The following HIF1AN variants were observed in gnomAD, a reference collection of about 807,000 sequenced individuals.
HIF1AN encodes the protein hypoxia inducible factor 1 subunit alpha inhibitor.
In HIF1AN, 21 loss-of-function variants were observed where a neutral mutation model predicts 47.7. The observed-to-expected ratio is 0.44, with a 90% CI of 0.31 to 0.63. HIF1AN has a LOEUF of 0.63. Ranked by LOEUF, HIF1AN falls within the 30% of genes least tolerant of loss-of-function variation. The probability of loss-of-function intolerance (pLI) is 0.07; values close to 1 mark genes in which losing one functional copy is unlikely to be tolerated. For missense variants in HIF1AN, 320 were observed against 432.7 expected (o/e 0.74, Z 2.31); for synonymous variants, 152 against 155.9 (o/e 0.98, Z 0.18).
chr10:100,547,785 T>C (rs35106985), intron 7 of HIF1AN, among the ~76,000 whole-genome samples: 31,976 of 152,096 alleles, frequency 0.21, 3,452 homozygotes, highest in South Asian at 0.23. Flanking sequence ...GAGAAACATA[T>C]AGACACTCTT....
At chr10:100,546,450 C>A in intron 5 of HIF1AN, 68 bp from the exon 6 acceptor site, 1 of 905,876 alleles carries the variant, frequency 1.1e-6, no homozygotes, top group African/African-American at 1.7e-5. Context: ...GCCACCCCCC[C>A]GCACTTCGCC....
intron 1 of HIF1AN, 124 bp from the exon 2 acceptor site, chr10:100,536,287 G>C: frequency 2.2e-6 from 3 of 1,352,342 alleles, no homozygotes; most frequent in Non-Finnish European, 2.1e-6. Context: ...GGAACTTAGG[G>C]GTTCGTGCTG....
intron 7 of HIF1AN, 55 bp from the exon 8 acceptor site, chr10:100,548,038 A>T: frequency 4.5e-6 from 7 of 1,551,652 alleles, no homozygotes; most frequent in Non-Finnish European, 6.2e-6. Flanking sequence ...CACCCTGTCC[A>T]ATTCCAGGGC....
At chr10:100,543,445 C>A (rs79354155) in intron 3 of HIF1AN, among the ~76,000 whole-genome samples, 1 of 152,112 alleles carries the variant, frequency 6.6e-6, no homozygotes, top group South Asian at 2.1e-4. Context: ...CCTTGGCCCC[C>A]TAAGTGATCC....
At chr10:100,540,818 CAT>C (rs1843019546) in intron 3 of HIF1AN, 36 bp downstream of exon 3, 3 of 1,558,600 alleles carry the variant, frequency 1.9e-6, no homozygotes, top group Non-Finnish European at 2.6e-6. Flanking sequence ...GGCTTGGAGT[CAT>C]ATGAACCTGA....
Position 100,559,824 on chromosome 10 carries a change from A to G in HIF1AN, c.*11687A>G, listed in dbSNP as rs2489036. The G allele has an allele frequency of 0.22, 33,883 of 152,146 alleles. 3,908 individuals carry two copies. The highest frequency in any genetic ancestry group is 0.27 in the African/African-American group (11,229 of 41,508). The allele number at this position is 152,146 out of a possible 1,614,324, so 9.4% of individuals were successfully genotyped here. On this transcript the variant is annotated 3_prime_UTR_variant, in exon 8 of 8. Transcript: ENST00000299163. Reference sequence around the variant, plus strand: ...ACTCAGAGAGTGGGTTCTAAATGTAATATTACCACACACCCAAGTCACTTA... The same window carrying G: ...ACTCAGAGAGTGGGTTCTAAATGTAGTATTACCACACACCCAAGTCACTTA...
Position 100,548,333 on chromosome 10 carries a change from A to C in HIF1AN, c.*196A>C. The C allele has an allele frequency of 2.0e-6, 1 of 498,622 alleles. No individual in the cohort carries two copies. The highest frequency in any genetic ancestry group is 3.3e-5 in the South Asian group (1 of 29,992). 30.9% of individuals were successfully genotyped at this position (498,622 alleles called of 1,614,324 possible). ...CCACTCCTATTTGGAGGGACTTCATACCCTTGCCTCTTGTGCCCCAGCACC... is the reference window on the plus strand; with the variant it reads ...CCACTCCTATTTGGAGGGACTTCATCCCCTTGCCTCTTGTGCCCCAGCACC... On this transcript the variant is annotated 3_prime_UTR_variant, in exon 8 of 8. Coordinates refer to ENST00000299163, the MANE Select transcript of HIF1AN (RefSeq NM_017902.3).
chr10:100,551,916 C>T lies in HIF1AN; in HGVS notation c.*3779C>T, dbSNP rs1843165510. The stretch of plus-strand genomic sequence containing the variant: ...AGAGAGCAAAGCTCTACCCAGGCTC[C>T]TTGTAAGCCTCTGGGCTCCCCCGAG... On this transcript the variant is annotated 3_prime_UTR_variant, in exon 8 of 8. Coordinates refer to ENST00000299163, the MANE Select transcript of HIF1AN (RefSeq NM_017902.3). The T allele has an allele frequency of 6.6e-6, 1 of 152,080 alleles. No individual in the cohort carries two copies. The allele number at this position is 152,080 out of a possible 1,614,324, so 9.4% of individuals were successfully genotyped here. A position where few individuals can be genotyped will look rare whatever the true frequency, so the allele number is the denominator to read the frequency against.
Position 100,551,085 on chromosome 10 carries a change from CTA to C in HIF1AN, c.*2949_*2950del, listed in dbSNP as rs890162631. 12 of 152,132 alleles carry C rather than the reference CTA, an allele frequency of 7.9e-5. No homozygotes were observed. The highest frequency in any genetic ancestry group is 5.9e-5 in the Non-Finnish European group (4 of 68,052). 9.4% of individuals were successfully genotyped at this position (152,132 alleles called of 1,614,324 possible). On this transcript the variant is annotated 3_prime_UTR_variant, in exon 8 of 8. Transcript: ENST00000299163. ...TTCACACCAGCAGGTACAGAGAAAACTAGTGTTTTGTAAAGTCAAATATTTGT... is the reference window on the plus strand; with the variant it reads ...TTCACACCAGCAGGTACAGAGAAAACGTGTTTTGTAAAGTCAAATATTTGT...
In HIF1AN at chr10:100,546,849, C is replaced by T. The variant is rs543977901; in HGVS notation, c.894+268C>T. On this transcript the variant is annotated intron_variant, in intron 6 of 7. Transcript: ENST00000299163. ...CTGCCTCCCGGGTTCAAGTGATTCTCCTGCCTCAGCCTCCCGAGTAGTTGG... is the reference window on the plus strand; with the variant it reads ...CTGCCTCCCGGGTTCAAGTGATTCTTCTGCCTCAGCCTCCCGAGTAGTTGG... 1.9e-3 allele frequency among the ~76,000 whole-genome samples: 289 copies of T among 152,238 alleles called. 4 individuals are homozygous for T. Among genetic ancestry groups the T allele is most frequent in the African/African-American group, 6.6e-3 (274 of 41,544 alleles).
chr10:100,544,967 T>G lies in HIF1AN; in HGVS notation c.594T>G (p.Ala198=). Reference sequence around the variant, plus strand: ...TTCTTACAGGAAATGTGACACCTGCTCACTATGATGAGCAGCAGAACTTTT... The same window carrying G: ...TTCTTACAGGAAATGTGACACCTGCGCACTATGATGAGCAGCAGAACTTTT... ...LIGMEGNVTP[A]HYDEQQNFFA... The change falls in exon 4 of 8, where the codon GCT becomes GCG. Residue 198 remains alanine (A), a synonymous_variant. Transcript: ENST00000299163. 6.2e-7 allele frequency: 1 copy of G among 1,614,194 alleles called. No individual in the cohort carries two copies. Among genetic ancestry groups the G allele is most frequent in the Admixed American group, 1.7e-5 (1 of 60,016 alleles).
chr10:100,556,474 G>A lies in HIF1AN; in HGVS notation c.*8337G>A, dbSNP rs1322270054. ...ATGCAGGAGACGAGATTGTCACAGAGGCTGTCATGCTAGTAAGAGTCAGAG... is the reference window on the plus strand; with the variant it reads ...ATGCAGGAGACGAGATTGTCACAGAAGCTGTCATGCTAGTAAGAGTCAGAG... On this transcript the variant is annotated 3_prime_UTR_variant, in exon 8 of 8. Transcript: ENST00000299163. 1 of 152,266 alleles carries A rather than the reference G, an allele frequency of 6.6e-6. No homozygotes were observed. The highest frequency in any genetic ancestry group is 2.4e-5 in the African/African-American group (1 of 41,440). 9.4% of individuals were successfully genotyped at this position (152,266 alleles called of 1,614,324 possible).
intron 3 of HIF1AN, among the ~76,000 whole-genome samples, chr10:100,544,594 A>AG (rs1843076988): frequency 6.6e-6 from 1 of 152,156 alleles, no homozygotes. Context: ...CTTTCCTTGA[A>AG]TTCCTGCCGT....
rs1843090771 is a variant in HIF1AN at position 100,546,049 on chromosome 10, G to A, written c.830G>A (p.Trp277Ter). 1.2e-6 allele frequency: 2 copies of A among 1,601,382 alleles called. No homozygotes were observed. The highest frequency in any genetic ancestry group is 1.3e-5 in the African/African-American group (1 of 74,562). ...PGDVLYIPMY[W>*]WHHIESLLNG... ...GATGTTCTTTACATCCCAATGTACTGGTGAGAAGGGGGCTAGGGCTGGGGG... is the reference window on the plus strand; with the variant it reads ...GATGTTCTTTACATCCCAATGTACTAGTGAGAAGGGGGCTAGGGCTGGGGG... The change falls in exon 5 of 8, where the codon TGG (tryptophan) becomes TAG (stop). Residue 277 changes from tryptophan (W) to a stop codon, truncating the protein, a stop_gained and splice_region_variant. Transcript: ENST00000299163. LOFTEE classifies it high-confidence loss of function.
In HIF1AN at chr10:100,549,071, T is replaced by C. The variant is rs1023524935; in HGVS notation, c.*934T>C. The C allele has an allele frequency of 3.8e-5, 4 of 104,766 alleles. No homozygotes were observed. Among genetic ancestry groups the C allele is most frequent in the East Asian group, 2.4e-4 (1 of 4,140 alleles). 6.5% of individuals were successfully genotyped at this position (104,766 alleles called of 1,614,324 possible). A position where few individuals can be genotyped will look rare whatever the true frequency, so the allele number is the denominator to read the frequency against. ...GTGTGTGTGTGTGTGCGTGCGTGTG[T>C]GTGTGTGTGTCCGTGTGTGTGTGTG... On this transcript the variant is annotated 3_prime_UTR_variant, in exon 8 of 8. Coordinates refer to ENST00000299163, the MANE Select transcript of HIF1AN (RefSeq NM_017902.3).
rs1843152111 is a variant in HIF1AN at position 100,550,952 on chromosome 10, G to A, written c.*2815G>A. On this transcript the variant is annotated 3_prime_UTR_variant, in exon 8 of 8. Coordinates refer to ENST00000299163, the MANE Select transcript of HIF1AN (RefSeq NM_017902.3). Reference sequence around the variant, plus strand: ...TTGCCACAGAGGAAACATTTCTGCTGTAGTTGTTTACCTCCATCCTAGCTG... The same window carrying A: ...TTGCCACAGAGGAAACATTTCTGCTATAGTTGTTTACCTCCATCCTAGCTG... 6.6e-6 allele frequency: 1 copy of A among 152,228 alleles called. No homozygotes were observed. Among genetic ancestry groups the A allele is most frequent in the African/African-American group, 2.4e-5 (1 of 41,442 alleles). 9.4% of individuals were successfully genotyped at this position (152,228 alleles called of 1,614,324 possible). A position where few individuals can be genotyped will look rare whatever the true frequency, so the allele number is the denominator to read the frequency against.
Position 100,558,740 on chromosome 10 carries a change from A to G in HIF1AN, c.*10603A>G, listed in dbSNP as rs372258344. On this transcript the variant is annotated 3_prime_UTR_variant, in exon 8 of 8. Transcript: ENST00000299163. Reference sequence around the variant, plus strand: ...TCACAGTCTAGTCAGTGGCCCAACCAACATATCTGGTTGTTCTGCAATCTC... The same window carrying G: ...TCACAGTCTAGTCAGTGGCCCAACCGACATATCTGGTTGTTCTGCAATCTC... The G allele has an allele frequency of 4.1e-4, 62 of 152,354 alleles. No individual in the cohort carries two copies. The highest frequency in any genetic ancestry group is 1.5e-3 in the African/African-American group (61 of 41,594). 9.4% of individuals were successfully genotyped at this position (152,354 alleles called of 1,614,324 possible). A position where few individuals can be genotyped will look rare whatever the true frequency, so the allele number is the denominator to read the frequency against.
At chr10:100,539,984 C>T (rs772487025) in intron 2 of HIF1AN, among the ~76,000 whole-genome samples, 8 of 151,894 alleles carry the variant, frequency 5.3e-5, no homozygotes, top group Middle Eastern at 3.2e-3. Flanking sequence ...GGGGAACCTC[C>T]GTGGATTCTT....
chr10:100,547,152 C>T lies in HIF1AN; in HGVS notation c.907C>T (p.Pro303Ser), dbSNP rs1843102291. 1 of 1,613,026 alleles carries T rather than the reference C, an allele frequency of 6.2e-7. No individual in the cohort carries two copies. The highest frequency in any genetic ancestry group is 8.5e-7 in the Non-Finnish European group (1 of 1,179,316). ...GCTTCCTTTGTAGGGGGCTCCCACCCCTAAGAGAATTGAATATCCTCTCAA... is the reference window on the plus strand; with the variant it reads ...GCTTCCTTTGTAGGGGGCTCCCACCTCTAAGAGAATTGAATATCCTCTCAA... ...VNFWYKGAPT[P>S]KRIEYPLKAH... Residue 303 changes from proline (P) to serine (S), a missense_variant, in exon 7 of 8, where the codon CCT becomes TCT. By Grantham distance (74) the Pro-to-Ser change is moderately conservative. Around this residue, in one of 2 missense-constraint regions of HIF1AN, gnomAD observed 161 missense variants for 272.8 expected, o/e 0.59. Coordinates refer to ENST00000299163, the MANE Select transcript of HIF1AN (RefSeq NM_017902.3).
Sources: gnomAD v4.1 joint callset for allele counts (sites outside exome capture counted in the v4.1 genomes callset) on GRCh38, gnomAD v4.1.1 for gene constraint, gnomAD v4.1.1 regional missense constraint, MANE v1.5 for transcripts, NCBI Gene and HGNC (gene_info 2026-07-23, HGNC 2026-07-21) for gene names.